Variants in UBAC2 observed in about 807,000 individuals in gnomAD.
UBAC2 encodes the protein UBA domain containing 2, also known as ubiquitin-associated domain-containing protein 2.
Under a neutral mutation model 44.0 loss-of-function variants are expected in UBAC2, and 26 were observed. That is an observed-to-expected ratio of 0.59 (90% confidence interval 0.43 to 0.82). UBAC2 has a LOEUF of 0.82. UBAC2 is among the 40% of genes least tolerant of loss of function. The pLI is 0.00. For missense variants in UBAC2, 329 were observed against 419.4 expected (o/e 0.78, Z 1.88); for synonymous variants, 155 against 154.3 (o/e 1.00, Z -0.04).
chr13:99,297,192 C>G (rs1030947893), intron 4 of UBAC2, among the ~76,000 whole-genome samples: 15 of 152,028 alleles, frequency 9.9e-5, no homozygotes, highest in African/African-American at 2.7e-4. Context: ...TGGAAAACTC[C>G]TACAATAAAG....
At chr13:99,370,058 G>A (rs1428597820) in intron 8 of UBAC2, among the ~76,000 whole-genome samples, 7 of 152,296 alleles carry the variant, frequency 4.6e-5, no homozygotes, top group Admixed American at 2.0e-4. Context: ...GGCCATTTTA[G>A]GATCAATTGA....
intron 7 of UBAC2, among the ~76,000 whole-genome samples, chr13:99,357,018 C>A (rs946336882): frequency 2.6e-5 from 4 of 152,220 alleles, no homozygotes; most frequent in African/African-American, 9.7e-5. Context: ...ATTGTGCTCA[C>A]TCTTGTAGTC....
At chr13:99,381,531 T>C (rs1000587232) in intron 8 of UBAC2, among the ~76,000 whole-genome samples, 2 of 152,126 alleles carry the variant, frequency 1.3e-5, no homozygotes, top group Non-Finnish European at 2.9e-5. Flanking sequence ...CCAAGTTGTT[T>C]GGGGGCCATG....
At chr13:99,282,589 A>G (rs1243791460) in intron 4 of UBAC2, among the ~76,000 whole-genome samples, 1 of 152,162 alleles carries the variant, frequency 6.6e-6, no homozygotes, top group Non-Finnish European at 1.5e-5. Context: ...AGATATTTAT[A>G]ACTGTTGGGC....
intron 4 of UBAC2, among the ~76,000 whole-genome samples, chr13:99,285,303 C>G (rs1002907405): frequency 1.3e-5 from 2 of 151,954 alleles, no homozygotes; most frequent in African/African-American, 4.8e-5. Flanking sequence ...CCTCTTCTTC[C>G]TCCCTTTGGT....
chr13:99,222,663 T>G (rs969991149), intron 1 of UBAC2, among the ~76,000 whole-genome samples: 1 of 152,252 alleles, frequency 6.6e-6, no homozygotes, highest in Non-Finnish European at 1.5e-5. Context: ...GTTGATATGG[T>G]AAATTACATT....
intron 6 of UBAC2, among the ~76,000 whole-genome samples, chr13:99,334,940 T>C (rs1254442313): frequency 3.3e-5 from 5 of 152,186 alleles, no homozygotes; most frequent in African/African-American, 9.7e-5. Flanking sequence ...GAAGATATAT[T>C]ATGGAGACAG....
intron 4 of UBAC2, among the ~76,000 whole-genome samples, chr13:99,272,916 A>T (rs892069098): frequency 2.7e-5 from 4 of 147,604 alleles, no homozygotes; most frequent in African/African-American, 1.0e-4. Flanking sequence ...TCTCTATTCC[A>T]TTGGTCCGTG....
At chr13:99,243,984 A>T in intron 3 of UBAC2, 33 bp downstream of exon 3, 1 of 1,476,852 alleles carries the variant, frequency 6.8e-7, no homozygotes, top group Non-Finnish European at 9.0e-7. Context: ...TTTGCTACTT[A>T]GGCTGTAGAA....
chr13:99,227,698 A>C (rs2043126392), intron 1 of UBAC2, among the ~76,000 whole-genome samples: 1 of 152,072 alleles, frequency 6.6e-6, no homozygotes, highest in Non-Finnish European at 1.5e-5. Flanking sequence ...TCCTGTCTAC[A>C]CTCCAAACCA....
chr13:99,348,348 C>T (rs1395718211), intron 7 of UBAC2, among the ~76,000 whole-genome samples: 1 of 152,078 alleles, frequency 6.6e-6, no homozygotes, highest in African/African-American at 2.4e-5. Flanking sequence ...AAAAAAGAAC[C>T]CTGAGCCTAA....
chr13:99,380,671 C>T (rs1272838640), intron 8 of UBAC2, among the ~76,000 whole-genome samples: 1 of 152,216 alleles, frequency 6.6e-6, no homozygotes, highest in Non-Finnish European at 1.5e-5. Flanking sequence ...ATCGCATACC[C>T]AAGCCCAAGC....
At chr13:99,370,731 C>T (rs1488771364) in intron 8 of UBAC2, among the ~76,000 whole-genome samples, 1 of 152,146 alleles carries the variant, frequency 6.6e-6, no homozygotes, top group African/African-American at 2.4e-5. Flanking sequence ...TGTCACGTGC[C>T]CATTGACTTG....
intron 4 of UBAC2, among the ~76,000 whole-genome samples, chr13:99,285,555 G>A (rs762128920): frequency 6.6e-6 from 1 of 151,970 alleles, no homozygotes. Flanking sequence ...ACCACGCCCA[G>A]CTAATTCTTA....
Position 99,345,887 on chromosome 13 carries a change from C to T in UBAC2, c.807+5322C>T, listed in dbSNP as rs182742175. On this transcript the variant is annotated intron_variant, in intron 7 of 8. Coordinates refer to ENST00000403766, the MANE Select transcript of UBAC2 (RefSeq NM_001144072.2). ...CCTCCCGAGTAGCTGGGATTACAGG[C>T]GCTCACCACCACATCCGGCTAATTT... is the stretch of plus-strand genomic sequence containing the variant. Among the ~76,000 whole-genome samples the T allele has an allele frequency of 5.8e-3, 875 of 151,968 alleles. 10 individuals are homozygous for T. The highest frequency in any genetic ancestry group is 0.02 in the African/African-American group (829 of 41,470).
At chr13:99,361,729 C>T (rs1259847894) in intron 7 of UBAC2, among the ~76,000 whole-genome samples, 1 of 152,158 alleles carries the variant, frequency 6.6e-6, no homozygotes, top group Non-Finnish European at 1.5e-5. Context: ...CCATCCTGTC[C>T]CCCCTCCCCT....
At position 99,234,171 on chromosome 13, in the gene UBAC2, CTTTTTTTTTTTT is replaced by C. The variant is rs773370310; in HGVS notation, c.32-4238_32-4227del. The stretch of plus-strand genomic sequence containing the variant: ...GGGCCGGACATTGTGCTAGCCGTTT[CTTTTTTTTTTTT>C]TTTTTTTTTTTTTTTTTGAGATGGA... On this transcript the variant is annotated intron_variant, in intron 1 of 8. Coordinates refer to ENST00000403766, the MANE Select transcript of UBAC2 (RefSeq NM_001144072.2). Among the ~76,000 whole-genome samples, 160 of 61,710 alleles carry C rather than the reference CTTTTTTTTTTTT, an allele frequency of 2.6e-3. 2 individuals are homozygous for C. The highest frequency in any genetic ancestry group is 0.012 in the East Asian group (23 of 1,844). 40.5% of individuals were successfully genotyped at this position (61,710 alleles called of 152,430 possible).
chr13:99,263,262 C>A (rs1725052258), intron 4 of UBAC2, among the ~76,000 whole-genome samples: 1 of 152,138 alleles, frequency 6.6e-6, no homozygotes, highest in African/African-American at 2.4e-5. Context: ...AGTTGATATT[C>A]TCAAGGAAAG....
At chr13:99,361,916 G>C (rs2045270419) in intron 7 of UBAC2, among the ~76,000 whole-genome samples, 1 of 152,262 alleles carries the variant, frequency 6.6e-6, no homozygotes, top group Non-Finnish European at 1.5e-5. Context: ...AGATTGCTTG[G>C]GTCCGGGAGT....
Sources: gnomAD v4.1 joint callset for allele counts (sites outside exome capture counted in the v4.1 genomes callset) on GRCh38, gnomAD v4.1.1 for gene constraint, MANE v1.5 for transcripts, NCBI Gene and HGNC (gene_info 2026-07-23, HGNC 2026-07-21) for gene names.